Variants in SLC44A5 observed in about 807,000 individuals in gnomAD.
SLC44A5 encodes the protein choline transporter-like protein 5.
In SLC44A5, 57 loss-of-function variants were observed where a neutral mutation model predicts 101.8. The ratio of observed to expected loss-of-function variants is 0.56; its 90% CI spans 0.45 to 0.70. The LOEUF (loss-of-function observed/expected upper bound fraction) is 0.70. SLC44A5 is among the 30% of genes least tolerant of loss of function. The pLI is 0.00. For missense variants in SLC44A5, 737 were observed against 853.1 expected (o/e 0.86, Z 1.70); for synonymous variants, 281 against 290.9 (o/e 0.97, Z 0.35).
chr1:75,315,417 G>A (rs1655616738), intron 4 of SLC44A5, among the ~76,000 whole-genome samples: 1 of 151,986 alleles, frequency 6.6e-6, no homozygotes, highest in Admixed American at 6.6e-5. Context: ...CACAATATAT[G>A]GTATAATTTT....
chr1:75,712,215 C>T, the SLC44A5 span, among the ~76,000 whole-genome samples: 18 of 152,318 alleles, frequency 1.2e-4, no homozygotes, highest in South Asian at 8.3e-4. Flanking sequence ...AGCTCCTTCA[C>T]CTATTATGGT....
At chr1:75,319,948 C>G (rs759170155) in intron 4 of SLC44A5, among the ~76,000 whole-genome samples, 51 of 152,232 alleles carry the variant, frequency 3.4e-4, no homozygotes, top group Middle Eastern at 3.4e-3. Context: ...GGCTTTTGTA[C>G]GTGAATTGGA....
chr1:75,388,253 TAAAAAAAA>T, intron 3 of SLC44A5, among the ~76,000 whole-genome samples: 1 of 122,274 alleles, frequency 8.2e-6, no homozygotes, highest in South Asian at 2.6e-4. Context: ...AAAACAGTAT[TAAAAAAAA>T]AAAAAGAAAA....
rs539662938 is a variant in SLC44A5, at chr1:75,362,077, T to C, written c.53-22447A>G. 6.6e-5 allele frequency among the ~76,000 whole-genome samples: 10 copies of C among 152,166 alleles called. No individual in the cohort carries two copies. The East Asian group carries it at 1.5e-3, about 23-fold the overall frequency. ...CTAGGAATTTATTTCTTTTAGGTTA[T>C]CCAATTTGTTGACATATAATTATTC... On this transcript the variant is annotated intron_variant, in intron 3 of 23. Transcript: ENST00000370859.
At chr1:75,367,045 G>A (rs1220895444) in intron 3 of SLC44A5, among the ~76,000 whole-genome samples, 1 of 152,170 alleles carries the variant, frequency 6.6e-6, no homozygotes, top group Non-Finnish European at 1.5e-5. Flanking sequence ...TTTGATGTCA[G>A]TTACTAGAGC....
intron 14 of SLC44A5, among the ~76,000 whole-genome samples, chr1:75,221,753 A>G (rs1647086094): frequency 6.6e-6 from 1 of 152,180 alleles, no homozygotes. Flanking sequence ...TTACTTTCAC[A>G]TGTGTCATTC....
At chr1:75,242,811 C>G (rs1327027282) in intron 8 of SLC44A5, 75 bp downstream of exon 8, 1 of 1,476,788 alleles carries the variant, frequency 6.8e-7, no homozygotes, top group East Asian at 2.4e-5. Flanking sequence ...TGTTCAGTAA[C>G]AAATTCTCAC....
At chr1:75,496,751 C>T (rs1382692327) in intron 2 of SLC44A5, among the ~76,000 whole-genome samples, 1 of 151,760 alleles carries the variant, frequency 6.6e-6, no homozygotes, top group East Asian at 1.9e-4. Flanking sequence ...AGTTAATATC[C>T]AAAATATATA....
intron 1 of SLC44A5, among the ~76,000 whole-genome samples, chr1:75,567,653 C>T (rs1446129764): frequency 6.6e-6 from 1 of 152,066 alleles, no homozygotes; most frequent in East Asian, 1.9e-4. Context: ...ACAGAGGAGA[C>T]AGTGAGAGTT....
At chr1:75,652,227 G>A in the SLC44A5 span, among the ~76,000 whole-genome samples, 1 of 152,154 alleles carries the variant, frequency 6.6e-6, no homozygotes, top group Non-Finnish European at 1.5e-5. Flanking sequence ...CAGGGAATAA[G>A]GAATGGAAGA....
At chr1:75,659,854 C>T in the SLC44A5 span, among the ~76,000 whole-genome samples, 3 of 152,162 alleles carry the variant, frequency 2.0e-5, no homozygotes, top group South Asian at 4.1e-4. Flanking sequence ...TGTAATAATA[C>T]ATTAAAAGAA....
chr1:75,376,702 A>G (rs1660645580), intron 3 of SLC44A5, among the ~76,000 whole-genome samples: 1 of 152,024 alleles, frequency 6.6e-6, no homozygotes. Flanking sequence ...TCAAAGACCA[A>G]AAGTAGATAA....
chr1:75,215,812 C>A lies in SLC44A5; in HGVS notation c.1670G>T (p.Cys557Phe), dbSNP rs766935158. 1 of 1,609,022 alleles carries A rather than the reference C, an allele frequency of 6.2e-7. No individual in the cohort carries two copies. Among genetic ancestry groups the A allele is most frequent in the Non-Finnish European group, 8.5e-7 (1 of 1,175,904 alleles). Reference protein sequence around the residue: ...LSKFLQCCLRCCFWCLENAIK... With the variant: ...LSKFLQCCLRFCFWCLENAIK... ...TGCATTTTCCAAACACCAGAAGCAG[C>A]ATCTCAGGCAGCATTGTAGGAATTT... The change falls in exon 19 of 24, where the codon TGC becomes TTC. Residue 557 changes from cysteine to phenylalanine, a missense_variant. Cys to Phe is a radical substitution (Grantham distance 205, BLOSUM62 -2). Coordinates refer to ENST00000370859, the MANE Select transcript of SLC44A5 (RefSeq NM_001130058.2).
chr1:75,462,299 C>T lies in SLC44A5; in HGVS notation c.14-65678G>A, dbSNP rs567378441. ...CAAGAACATCAAGGTGGCACCTCTA[C>T]ACGTCTGCAAGAACCACAGTGTTAC... On this transcript the variant is annotated intron_variant, in intron 2 of 23. Coordinates refer to ENST00000370859, the MANE Select transcript of SLC44A5 (RefSeq NM_001130058.2). Among the ~76,000 whole-genome samples the T allele has an allele frequency of 3.9e-5, 6 of 152,328 alleles. No homozygotes were observed. In the East Asian group the frequency reaches 7.7e-4, roughly 20 times the overall value.
Position 75,566,500 on chromosome 1 carries a change from T to C in SLC44A5, c.-69-24984A>G, listed in dbSNP as rs372857449. Among the ~76,000 whole-genome samples, 259 of 152,348 alleles carry C rather than the reference T, an allele frequency of 1.7e-3. 16 individuals carry two copies. In the South Asian group the frequency reaches 0.052, roughly 30 times the overall value. ...TTCAGTACCAGTATGAAATAAATCA[T>C]GCTGCTAAAAGGTAAATATTTTTAT... On this transcript the variant is annotated intron_variant, in intron 1 of 23. Transcript: ENST00000370859.
At chr1:75,307,741 A>G (rs1328862228) in intron 4 of SLC44A5, among the ~76,000 whole-genome samples, 1 of 152,152 alleles carries the variant, frequency 6.6e-6, no homozygotes, top group Non-Finnish European at 1.5e-5. Context: ...ATTGTCTGAC[A>G]GTTCTTTGTT....
At chr1:75,364,319 A>G (rs1226055651) in intron 3 of SLC44A5, among the ~76,000 whole-genome samples, 1 of 152,182 alleles carries the variant, frequency 6.6e-6, no homozygotes. Flanking sequence ...GGCCTCAGGA[A>G]ACTTAAAACC....
intron 2 of SLC44A5, among the ~76,000 whole-genome samples, chr1:75,397,700 C>G (rs375902827): frequency 6.6e-6 from 1 of 152,070 alleles, no homozygotes; most frequent in Admixed American, 6.6e-5. Context: ...CCAGAGGCAA[C>G]GTGAACTTTT....
chr1:75,405,071 CAACA>C (rs1164051075), intron 2 of SLC44A5, among the ~76,000 whole-genome samples: 1 of 152,078 alleles, frequency 6.6e-6, no homozygotes. Context: ...AACAGACTTT[CAACA>C]AACAGAGAAT....
Sources: gnomAD v4.1 joint callset for allele counts (sites outside exome capture counted in the v4.1 genomes callset) on GRCh38, gnomAD v4.1.1 for gene constraint, MANE v1.5 for transcripts, NCBI Gene and HGNC (gene_info 2026-07-23, HGNC 2026-07-21) for gene names.